TOX: variants seen among roughly 807,000 people sequenced by gnomAD.
TOX encodes the protein thymocyte selection-associated high mobility group box protein TOX.
TOX carries 11 observed loss-of-function variants against 53.7 expected under a neutral mutation model. The observed-to-expected ratio is 0.20, with a 90% CI of 0.13 to 0.34. The LOEUF (loss-of-function observed/expected upper bound fraction) is 0.34. Among genes scored for constraint, TOX ranks in the 10% least tolerant of loss-of-function variants. TOX has a pLI of 1.00. For synonymous variants in TOX, 225 were observed against 245.3 expected, an observed-to-expected ratio of 0.92 and a Z score of 0.77; for missense variants, 570 against 664.6, an observed-to-expected ratio of 0.86 and a Z score of 1.56.
chr8:59,032,254 A>AC (rs5891708), intron 1 of TOX, among the ~76,000 whole-genome samples: 11,613 of 152,246 alleles, frequency 0.076, 1,216 homozygotes, highest in East Asian at 0.47. Flanking sequence ...TTTAAGGAAA[A>AC]AGTCTAGAGT....
chr8:59,002,228 C>T (rs1585955880), intron 1 of TOX, among the ~76,000 whole-genome samples: 1 of 148,060 alleles, frequency 6.8e-6, no homozygotes, highest in African/African-American at 2.5e-5. Flanking sequence ...CCCACCTCGG[C>T]CTCCCAAAGT....
At chr8:58,814,433 A>G (rs1206216944) in intron 7 of TOX, 1 of 152,214 alleles carries the variant, frequency 6.6e-6, no homozygotes, top group Non-Finnish European at 1.5e-5. Context: ...ACTATAAAAG[A>G]TTGCCAGTGT....
At chr8:58,975,212 T>C (rs1364953254) in intron 1 of TOX, among the ~76,000 whole-genome samples, 1 of 148,224 alleles carries the variant, frequency 6.7e-6, no homozygotes, top group East Asian at 2.0e-4. Flanking sequence ...ATAATAAGTG[T>C]GTATATGTAT....
At chr8:58,855,921 G>A (rs1810906650) in intron 3 of TOX, among the ~76,000 whole-genome samples, 1 of 152,038 alleles carries the variant, frequency 6.6e-6, no homozygotes, top group East Asian at 1.9e-4. Context: ...ATTAAAAAGA[G>A]GGGAAAAACC....
At chr8:59,108,996 T>C (rs1346215710) in intron 1 of TOX, among the ~76,000 whole-genome samples, 1 of 152,188 alleles carries the variant, frequency 6.6e-6, no homozygotes, top group Non-Finnish European at 1.5e-5. Flanking sequence ...TTACTATTAT[T>C]GCTTTCTTAT....
At chr8:58,903,413 G>A (rs1276346462) in intron 3 of TOX, among the ~76,000 whole-genome samples, 1 of 152,200 alleles carries the variant, frequency 6.6e-6, no homozygotes, top group African/African-American at 2.4e-5. Context: ...TTCCAACTGT[G>A]TAATTATATC....
chr8:58,816,793 G>A (rs967693334), intron 6 of TOX, among the ~76,000 whole-genome samples: 5 of 152,144 alleles, frequency 3.3e-5, no homozygotes, highest in Non-Finnish European at 4.4e-5. Flanking sequence ...GAGGGCTCTC[G>A]GGGTCCTTCT....
intron 1 of TOX, among the ~76,000 whole-genome samples, chr8:59,033,033 CAA>C (rs34575165): frequency 1.2e-4 from 13 of 104,668 alleles, no homozygotes; most frequent in Admixed American, 2.1e-4. Context: ...AACTCCAACT[CAA>C]AAAAAAAAAA....
At chr8:58,902,020 T>C (rs1489255149) in intron 3 of TOX, among the ~76,000 whole-genome samples, 5 of 152,198 alleles carry the variant, frequency 3.3e-5, no homozygotes, top group Admixed American at 6.5e-5. Flanking sequence ...TAGCACACTA[T>C]TTCTGGTTTA....
At chr8:58,850,479 G>C (rs569039069) in intron 4 of TOX, among the ~76,000 whole-genome samples, 1 of 152,196 alleles carries the variant, frequency 6.6e-6, no homozygotes, top group Non-Finnish European at 1.5e-5. Context: ...GCTGTAAGGA[G>C]TGATCCCTAG....
intron 1 of TOX, among the ~76,000 whole-genome samples, chr8:58,994,473 T>G (rs1813522350): frequency 6.6e-6 from 1 of 151,650 alleles, no homozygotes; most frequent in African/African-American, 2.4e-5. Context: ...CTAAATCTCT[T>G]TAGACCTGTC....
chr8:59,048,875 CTATT>C (rs1247237188), intron 1 of TOX, among the ~76,000 whole-genome samples: 2 of 151,880 alleles, frequency 1.3e-5, no homozygotes, highest in East Asian at 1.9e-4. Context: ...ATGTAAAACA[CTATT>C]TATGTTTATA....
At chr8:59,003,261 T>C (rs1193870660) in intron 1 of TOX, among the ~76,000 whole-genome samples, 1 of 152,240 alleles carries the variant, frequency 6.6e-6, no homozygotes, top group Non-Finnish European at 1.5e-5. Flanking sequence ...TTCAATGCCT[T>C]TTTTCTATTT....
intron 3 of TOX, among the ~76,000 whole-genome samples, chr8:58,877,254 T>A (rs751726184): frequency 8.5e-5 from 13 of 152,182 alleles, no homozygotes; most frequent in South Asian, 2.1e-4. Context: ...CAGCATTACG[T>A]ATGATTTTTA....
intron 3 of TOX, among the ~76,000 whole-genome samples, chr8:58,858,462 C>T (rs560481829): frequency 1.3e-5 from 2 of 152,368 alleles, no homozygotes; most frequent in African/African-American, 4.8e-5. Flanking sequence ...CTGCTCTGAT[C>T]CAGCTGTTAG....
At chr8:58,937,905 T>G (rs947557836) in intron 3 of TOX, among the ~76,000 whole-genome samples, 1 of 152,110 alleles carries the variant, frequency 6.6e-6, no homozygotes, top group Non-Finnish European at 1.5e-5. Flanking sequence ...AGGCAGGTGA[T>G]TTTTCAAGGT....
intron 6 of TOX, among the ~76,000 whole-genome samples, chr8:58,825,287 A>T (rs1051284680): frequency 6.6e-6 from 1 of 152,246 alleles, no homozygotes; most frequent in Non-Finnish European, 1.5e-5. Context: ...CAACAGCTCC[A>T]GCAAAATTTC....
At chr8:59,008,432 G>C (rs535783638) in intron 1 of TOX, among the ~76,000 whole-genome samples, 18 of 152,290 alleles carry the variant, frequency 1.2e-4, no homozygotes, top group Non-Finnish European at 1.8e-4. Flanking sequence ...CACTCAAACC[G>C]AGCCCTGTGG....
In TOX at chr8:59,058,443, G is replaced by T. The variant is rs143712368; in HGVS notation, c.102+60443C>A. On this transcript the variant is annotated intron_variant, in intron 1 of 8. Transcript: ENST00000361421. ...GCCATGAGGGGAGCAGCTGTAACTG[G>T]TGGAAATGGTGAGCTGAATCCACAT... Among the ~76,000 whole-genome samples the T allele has an allele frequency of 2.4e-3, 359 of 152,306 alleles. 2 individuals are homozygous for T. Among genetic ancestry groups the T allele is most frequent in the Middle Eastern group, 0.017 (5 of 294 alleles).
Sources: gnomAD v4.1 joint callset for allele counts (sites outside exome capture counted in the v4.1 genomes callset) on GRCh38, gnomAD v4.1.1 for gene constraint, MANE v1.5 for transcripts, NCBI Gene and HGNC (gene_info 2026-07-23, HGNC 2026-07-21) for gene names.